The following EIF4B variants were observed in gnomAD, a reference collection of about 807,000 sequenced individuals.
EIF4B encodes eukaryotic translation initiation factor 4B.
Under a neutral mutation model 79.3 loss-of-function variants are expected in EIF4B, and 8 were observed. The observed-to-expected ratio is 0.10, with a 90% CI of 0.06 to 0.18. The LOEUF (loss-of-function observed/expected upper bound fraction) is 0.18. Ranked by LOEUF, EIF4B falls within the 10% of genes least tolerant of loss-of-function variation. EIF4B has a pLI of 1.00. For synonymous variants in EIF4B, 238 were observed against 274.7 expected (o/e 0.87, Z 1.32); for missense variants, 515 against 792.4 (o/e 0.65, Z 4.20).
intron 10 of EIF4B, among the ~76,000 whole-genome samples, chr12:53,036,338 T>C (rs1247434098): frequency 6.6e-6 from 1 of 152,116 alleles, no homozygotes; most frequent in East Asian, 1.9e-4. Flanking sequence ...TGTCTCCATC[T>C]CTTGATCTTG....
chr12:53,023,757 A>G (rs994988939), intron 6 of EIF4B, among the ~76,000 whole-genome samples: 2 of 150,506 alleles, frequency 1.3e-5, no homozygotes, highest in African/African-American at 4.9e-5. Flanking sequence ...CTAATTTTGT[A>G]TTCTTAGTAG....
At position 53,041,377 on chromosome 12, in the gene EIF4B, G is replaced by A. The variant is rs1045578142; in HGVS notation, c.*1154G>A. The A allele has an allele frequency of 1.3e-5, 2 of 152,202 alleles. No homozygotes were observed. The highest frequency in any genetic ancestry group is 4.8e-5 in the African/African-American group (2 of 41,436). The allele number at this position is 152,202 out of a possible 1,614,324, so 9.4% of individuals were successfully genotyped here. A position where few individuals can be genotyped will look rare whatever the true frequency, so the allele number is the denominator to read the frequency against. On this transcript the variant is annotated 3_prime_UTR_variant, in exon 15 of 15. Transcript: ENST00000262056. The stretch of plus-strand genomic sequence containing the variant: ...TGGATGATGGATAAATAGGGACAGG[G>A]ACAGTTAAATTGGGAGCCTTTCTTA...
chr12:53,038,291 T>G, intron 11 of EIF4B, 65 bp from the exon 12 acceptor site: 1 of 1,450,190 alleles, frequency 6.9e-7, no homozygotes. Flanking sequence ...TGGAGGATGA[T>G]TATGTTTCTT....
chr12:53,017,879 C>T (rs1401328227), intron 2 of EIF4B, among the ~76,000 whole-genome samples: 2 of 152,208 alleles, frequency 1.3e-5, no homozygotes, highest in Admixed American at 1.3e-4. Flanking sequence ...GCATGAGCCA[C>T]TGCACCCGGC....
chr12:53,032,460 A>T (rs1943463112), intron 8 of EIF4B, among the ~76,000 whole-genome samples: 1 of 152,142 alleles, frequency 6.6e-6, no homozygotes, highest in African/African-American at 2.4e-5. Flanking sequence ...AATCTTCCCT[A>T]TCATATTGTA....
chr12:53,037,505 A>G lies in EIF4B; in HGVS notation c.1403A>G (p.Asp468Gly), dbSNP rs778205131. 18 of 1,613,936 alleles carry G rather than the reference A, an allele frequency of 1.1e-5. No homozygotes were observed. The South Asian group carries it at 1.8e-4, about 16-fold the overall frequency. ...CCAACTTCTAAACCTCCCAAACCTG[A>G]TCAGCCCCTAAAGGTAATGCCAGCC... ...HSPTSKPPKP[D>G]QPLKVMPAPP... Residue 468 changes from aspartate to glycine, a missense_variant, in exon 11 of 15, where the codon GAT (aspartate) becomes GGT (glycine). Asp to Gly is a moderately conservative substitution (Grantham distance 94). Transcript: ENST00000262056.
At position 53,028,186 on chromosome 12, in the gene EIF4B, G is replaced by C; in HGVS notation, c.977G>C (p.Arg326Thr). 2 of 1,570,410 alleles carry C rather than the reference G, an allele frequency of 1.3e-6. No individual in the cohort carries two copies. The highest frequency in any genetic ancestry group is 1.7e-6 in the Non-Finnish European group (2 of 1,162,772). Residue 326 changes from arginine (R) to threonine (T), a missense_variant and splice_region_variant, in exon 8 of 15, where the codon AGA becomes ACA. Physicochemically the swap from Arg to Thr is moderately conservative, Grantham distance 71. Around this residue, in one of 6 missense-constraint regions of EIF4B, gnomAD observed 187 missense variants for 256.5 expected, o/e 0.73. Transcript: ENST00000262056. ...YSRDDYRRDD[R>T]GPPQRPKLNL... ...CGGGATGATTATAGGCGTGATGATA[G>C]AGGTAATAGTTTTCTTTTTACGTAC...
chr12:53,027,650 G>C, intron 6 of EIF4B, 132 bp from the exon 7 acceptor site: 6 of 1,427,694 alleles, frequency 4.2e-6, no homozygotes, highest in Non-Finnish European at 3.7e-6. Flanking sequence ...TATTTCACCA[G>C]GGAAACTTTT....
At chr12:53,023,088 G>C (rs1410784001) in intron 6 of EIF4B, among the ~76,000 whole-genome samples, 1 of 152,072 alleles carries the variant, frequency 6.6e-6, no homozygotes, top group Non-Finnish European at 1.5e-5. Flanking sequence ...CTTGAGCCCA[G>C]GAGGTCTAGA....
At chr12:53,017,600 CA>C (rs1211669992) in intron 2 of EIF4B, among the ~76,000 whole-genome samples, 1 of 151,956 alleles carries the variant, frequency 6.6e-6, no homozygotes, top group East Asian at 1.9e-4. Flanking sequence ...TTCCTAAAAA[CA>C]GGAAATTTTT....
In EIF4B at chr12:53,009,080, TTCA is replaced by T. The variant is rs904143749; in HGVS notation, c.13+2586_13+2588del. On this transcript the variant is annotated intron_variant, in intron 1 of 14. Transcript: ENST00000262056. ...CGAAGTTTTTCATTTTTCTTAAATT[TTCA>T]TTGTGACTACTTTAGTAGACTTGCC... is the stretch of plus-strand genomic sequence containing the variant. Among the ~76,000 whole-genome samples the T allele has an allele frequency of 1.2e-4, 19 of 152,312 alleles. 1 individual carries two copies. The highest frequency in any genetic ancestry group is 4.6e-4 in the African/African-American group (19 of 41,566).
At chr12:53,039,786 CTTAGTATT>C in intron 14 of EIF4B, 84 bp downstream of exon 14, 6 of 1,457,978 alleles carry the variant, frequency 4.1e-6, no homozygotes, top group Non-Finnish European at 5.6e-6. Context: ...ATTAAAAATT[CTTAGTATT>C]CTAAACTTTT....
intron 8 of EIF4B, among the ~76,000 whole-genome samples, chr12:53,033,247 G>C (rs546763800): frequency 6.6e-6 from 1 of 151,600 alleles, no homozygotes; most frequent in Admixed American, 6.6e-5. Context: ...TCGAACTCCC[G>C]ACCCCAGGTG....
chr12:53,026,643 C>T (rs1592222185), intron 6 of EIF4B, among the ~76,000 whole-genome samples: 1 of 152,202 alleles, frequency 6.6e-6, no homozygotes, highest in South Asian at 2.1e-4. Flanking sequence ...ACTCTGTCAC[C>T]CAGGCTGGAG....
At chr12:53,031,969 T>G (rs1256633595) in intron 8 of EIF4B, among the ~76,000 whole-genome samples, 5 of 152,222 alleles carry the variant, frequency 3.3e-5, no homozygotes, top group Non-Finnish European at 7.3e-5. Context: ...GGACAAACAA[T>G]CATTTTTAGA....
At chr12:53,032,632 G>A (rs1943465570) in intron 8 of EIF4B, among the ~76,000 whole-genome samples, 1 of 151,530 alleles carries the variant, frequency 6.6e-6, no homozygotes, top group African/African-American at 2.4e-5. Context: ...ACTACATCAT[G>A]GATGTGGTAG....
At chr12:53,024,729 A>T (rs1438073840) in intron 6 of EIF4B, among the ~76,000 whole-genome samples, 1 of 152,180 alleles carries the variant, frequency 6.6e-6, no homozygotes, top group Non-Finnish European at 1.5e-5. Context: ...ATCTTGGCTC[A>T]CTGCAACCTC....
At chr12:53,016,224 C>T (rs1943146400) in intron 1 of EIF4B, among the ~76,000 whole-genome samples, 3 of 151,980 alleles carry the variant, frequency 2.0e-5, no homozygotes, top group Admixed American at 2.0e-4. Flanking sequence ...ACATACTCTC[C>T]AGGGTGTATC....
At chr12:53,034,085 G>C in intron 9 of EIF4B, 51 bp downstream of exon 9, 1 of 1,525,050 alleles carries the variant, frequency 6.6e-7, no homozygotes, top group Non-Finnish European at 8.9e-7. Flanking sequence ...GTTCGTAATG[G>C]GGGCATTACA....
Sources: gnomAD v4.1 joint callset for allele counts (sites outside exome capture counted in the v4.1 genomes callset) on GRCh38, gnomAD v4.1.1 for gene constraint, gnomAD v4.1.1 regional missense constraint, MANE v1.5 for transcripts, NCBI Gene and HGNC (gene_info 2026-07-23, HGNC 2026-07-21) for gene names.